LIMCH1: variants seen among roughly 807,000 people sequenced by gnomAD.
LIMCH1 encodes the protein LIM and calponin homology domains-containing protein 1.
Under a neutral mutation model 176.5 loss-of-function variants are expected in LIMCH1, and 113 were observed. The observed-to-expected ratio is 0.64, with a 90% CI of 0.55 to 0.75. The LOEUF is 0.75. Among genes scored for constraint, LIMCH1 ranks in the 30% least tolerant of loss-of-function variants. The pLI, the probability that LIMCH1 is intolerant of heterozygous loss-of-function variation, is 0.00. For synonymous variants in LIMCH1, 619 were observed against 645.9 expected (o/e 0.96, Z 0.63); for missense variants, 1,674 against 1,814.9 (o/e 0.92, Z 1.41).
At chr4:41,514,973 C>T (rs1583364197) in intron 2 of LIMCH1, among the ~76,000 whole-genome samples, 1 of 152,154 alleles carries the variant, frequency 6.6e-6, no homozygotes. Context: ...CTGTTGAACC[C>T]GGCTTCTTGA....
intron 1 of LIMCH1, among the ~76,000 whole-genome samples, chr4:41,466,099 C>T (rs1561458778): frequency 6.6e-6 from 1 of 152,072 alleles, no homozygotes; most frequent in African/African-American, 2.4e-5. Context: ...GCTGGGACTA[C>T]AGGCGCACAC....
intron 1 of LIMCH1, among the ~76,000 whole-genome samples, chr4:41,562,280 G>A (rs1384065372): frequency 1.3e-5 from 2 of 152,158 alleles, no homozygotes; most frequent in African/African-American, 4.8e-5. Flanking sequence ...TAGAGTGATT[G>A]GGGTGTACGA....
At chr4:41,544,377 G>A (rs1046704410) in intron 1 of LIMCH1, among the ~76,000 whole-genome samples, 39 of 152,134 alleles carry the variant, frequency 2.6e-4, no homozygotes, top group Admixed American at 1.2e-3. Flanking sequence ...GAAGGCTTTT[G>A]TGTTCTTAAC....
At chr4:41,497,094 T>C (rs191910497) in intron 2 of LIMCH1, among the ~76,000 whole-genome samples, 1 of 152,366 alleles carries the variant, frequency 6.6e-6, no homozygotes, top group Non-Finnish European at 1.5e-5. Context: ...TATTTGATGC[T>C]TTCCAGTTTT....
At chr4:41,496,656 G>A (rs970250633) in intron 2 of LIMCH1, among the ~76,000 whole-genome samples, 1 of 152,198 alleles carries the variant, frequency 6.6e-6, no homozygotes, top group Non-Finnish European at 1.5e-5. Context: ...TTTTGTGTAA[G>A]TTGAGACTAT....
At chr4:41,369,024 C>T (rs2053551003) in intron 1 of LIMCH1, among the ~76,000 whole-genome samples, 1 of 152,198 alleles carries the variant, frequency 6.6e-6, no homozygotes, top group African/African-American at 2.4e-5. Flanking sequence ...TGGTGACCCA[C>T]AGATGTCTTC....
rs1561299953 is a variant in LIMCH1 at position 41,417,092 on chromosome 4, CTTCT to C, written c.96+56159_96+56162del. Among the ~76,000 whole-genome samples the C allele has an allele frequency of 6.0e-5, 9 of 149,292 alleles. No homozygotes were observed. The East Asian group carries it at 1.8e-3, about 29-fold the overall frequency. ...GGGGTTATCTGTGCTATAGGCATTG[CTTCT>C]TTGTGAGGGGTTATCTATGCTATAG... On this transcript the variant is annotated intron_variant, in intron 1 of 26. Transcript: ENST00000313860.
intron 1 of LIMCH1, among the ~76,000 whole-genome samples, chr4:41,390,954 G>C (rs576285218): frequency 1.1e-4 from 17 of 152,242 alleles, no homozygotes; most frequent in Admixed American, 7.8e-4. Flanking sequence ...GGGCAGCCAC[G>C]TGCCTAAAGT....
intron 2 of LIMCH1, among the ~76,000 whole-genome samples, chr4:41,511,699 A>G (rs1206767103): frequency 6.6e-6 from 1 of 152,206 alleles, no homozygotes; most frequent in Non-Finnish European, 1.5e-5. Context: ...TAAAATTAAT[A>G]CTTTTGAAAT....
intron 9 of LIMCH1, among the ~76,000 whole-genome samples, chr4:41,630,223 C>T (rs1389509762): frequency 6.6e-6 from 1 of 152,160 alleles, no homozygotes; most frequent in Admixed American, 6.5e-5. Flanking sequence ...ATATCAGCCT[C>T]CCAAAGTGCT....
intron 1 of LIMCH1, among the ~76,000 whole-genome samples, chr4:41,442,178 T>C (rs2062771986): frequency 6.6e-6 from 1 of 152,122 alleles, no homozygotes; most frequent in Non-Finnish European, 1.5e-5. Flanking sequence ...TATGCACCTG[T>C]AGTTTCAGCT....
intron 21 of LIMCH1, among the ~76,000 whole-genome samples, chr4:41,668,461 A>T (rs2094907275): frequency 6.6e-6 from 1 of 152,178 alleles, no homozygotes; most frequent in Non-Finnish European, 1.5e-5. Flanking sequence ...TAGAGAGGGA[A>T]TAAATATTTT....
At chr4:41,690,884 C>T (rs914226966) in intron 30 of LIMCH1, among the ~76,000 whole-genome samples, 2 of 152,066 alleles carry the variant, frequency 1.3e-5, no homozygotes, top group Non-Finnish European at 2.9e-5. Context: ...AAAATATTCT[C>T]GTTGTAAAGA....
chr4:41,663,949 G>T (rs368086791), intron 20 of LIMCH1, among the ~76,000 whole-genome samples: 1 of 151,900 alleles, frequency 6.6e-6, no homozygotes, highest in East Asian at 1.9e-4. Context: ...GCTTAGGTGG[G>T]AGGATCACTT....
At chr4:41,464,609 C>T (rs963644673) in intron 1 of LIMCH1, among the ~76,000 whole-genome samples, 2 of 151,854 alleles carry the variant, frequency 1.3e-5, no homozygotes, top group African/African-American at 2.4e-5. Flanking sequence ...CTCCTGACCT[C>T]GTGATCTGCC....
chr4:41,433,256 C>T (rs1220949611), intron 1 of LIMCH1, among the ~76,000 whole-genome samples: 6 of 152,300 alleles, frequency 3.9e-5, no homozygotes, highest in African/African-American at 7.2e-5. Flanking sequence ...AGTCGTTTTG[C>T]GTCTGTCTTA....
chr4:41,631,502 G>A (rs1415042365), intron 10 of LIMCH1, 25 bp downstream of exon 10: 2 of 1,476,074 alleles, frequency 1.4e-6, no homozygotes, highest in Non-Finnish European at 1.8e-6. Flanking sequence ...ACGTGTGCAA[G>A]GATATCTGCA....
chr4:41,494,519 T>C, intron 1 of LIMCH1: 1 of 1,605,312 alleles, frequency 6.2e-7, no homozygotes, highest in Non-Finnish European at 8.5e-7. Flanking sequence ...GTGCTCTTTT[T>C]CTTTTCTTTT....
At chr4:41,595,301 A>G (rs78781456) in intron 1 of LIMCH1, among the ~76,000 whole-genome samples, 5,708 of 152,252 alleles carry the variant, frequency 0.037, 264 homozygotes, top group African/African-American at 0.11. Context: ...AGAGAACTAA[A>G]ATGGAAATTT....
Sources: gnomAD v4.1 joint callset for allele counts (sites outside exome capture counted in the v4.1 genomes callset) on GRCh38, gnomAD v4.1.1 for gene constraint, MANE v1.5 for transcripts, NCBI Gene and HGNC (gene_info 2026-07-23, HGNC 2026-07-21) for gene names.